Variants in ZNF28 observed in about 807,000 individuals in gnomAD.
The protein encoded by ZNF28 is zinc finger protein 28, also known as zinc finger protein KOX24.
ZNF28 carries 5 observed loss-of-function variants against 7.2 expected under a neutral mutation model. The ratio of observed to expected loss-of-function variants is 0.70; its 90% CI spans 0.36 to 1.46. ZNF28 has a LOEUF of 1.46. Ranked by LOEUF, ZNF28 falls within the 40% of genes most tolerant of loss-of-function variation. ZNF28 has a pLI of 0.03. For synonymous variants in ZNF28, 288 were observed against 292.4 expected, an observed-to-expected ratio of 0.99 and a Z score of 0.15; for missense variants, 879 against 866.6, an observed-to-expected ratio of 1.01 and a Z score of -0.18.
At chr19:52,815,312 T>G (rs1308965099) in intron 2 of ZNF28, among the ~76,000 whole-genome samples, 2 of 142,472 alleles carry the variant, frequency 1.4e-5, no homozygotes, top group African/African-American at 2.8e-5. Flanking sequence ...AGACAGGAGT[T>G]CAACATCAGC....
intron 3 of ZNF28, among the ~76,000 whole-genome samples, chr19:52,802,761 CTTTTT>C (rs11347464): frequency 7.8e-6 from 1 of 127,580 alleles, no homozygotes; most frequent in Admixed American, 7.9e-5. Flanking sequence ...CACGTTGTGA[CTTTTT>C]TTTTTTTTTT....
Position 52,819,567 on chromosome 19 carries a change from C to G in ZNF28, c.-73-1536G>C, listed in dbSNP as rs2063169620. ...GCTTTTCTGGTCTAGCCCCTCATCT[C>G]CAAGTTGCAGGGGAGGCTCACTGGG... On this transcript the variant is annotated intron_variant, in intron 1 of 3. Transcript: ENST00000457749. Among the ~76,000 whole-genome samples, 8 of 64,136 alleles carry G rather than the reference C, an allele frequency of 1.2e-4. 3 individuals are homozygous for G. Among genetic ancestry groups the G allele is most frequent in the South Asian group, 1.0e-3 (3 of 2,894 alleles). 42.1% of individuals were successfully genotyped at this position (64,136 alleles called of 152,430 possible).
chr19:52,811,240 T>C (rs907857880), intron 2 of ZNF28, among the ~76,000 whole-genome samples: 1 of 151,472 alleles, frequency 6.6e-6, no homozygotes. Context: ...CTCGGCTCAC[T>C]ACAACCTCCA....
At chr19:52,811,685 C>T (rs1405832456) in intron 2 of ZNF28, among the ~76,000 whole-genome samples, 4 of 147,618 alleles carry the variant, frequency 2.7e-5, no homozygotes, top group East Asian at 2.1e-4. Context: ...GTGAGGAGCC[C>T]CTCCGTCCGG....
chr19:52,810,714 A>G (rs879215435), intron 2 of ZNF28: 2 of 775,336 alleles, frequency 2.6e-6, no homozygotes, highest in Middle Eastern at 2.3e-4. Flanking sequence ...ACTAAAAAAA[A>G]TGTGTATTAG....
In ZNF28 at chr19:52,800,379, T is replaced by C. The variant is rs535831573; in HGVS notation, c.1466A>G (p.His489Arg). The C allele has an allele frequency of 6.8e-6, 11 of 1,614,160 alleles. No homozygotes were observed. The East Asian group carries it at 2.0e-4, about 29-fold the overall frequency. Residue 489 changes from histidine to arginine, a missense_variant, in exon 4 of 4, where the codon CAT (histidine) becomes CGT (arginine). Around this residue, in one of 2 missense-constraint regions of ZNF28, gnomAD observed 864 missense variants for 830.2 expected, o/e 1.04. Transcript: ENST00000457749. ...ACATTTGTATGGTTTCTCTCCAGTA[T>C]GAATCCTCCTATGTCTTTCAAGGTG... ...KSHLERHRRI[H>R]TGEKPYKCKV...
chr19:52,815,156 C>T (rs11670774), intron 2 of ZNF28, among the ~76,000 whole-genome samples: 91,287 of 142,454 alleles, frequency 0.64, 32,967 homozygotes, highest in Non-Finnish European at 0.72. Flanking sequence ...TTTGTTTAAC[C>T]GAAGAGGAAT....
At chr19:52,818,151 G>C in intron 1 of ZNF28, 120 bp from the exon 2 acceptor site, 1 of 1,080,908 alleles carries the variant, frequency 9.3e-7, no homozygotes, top group East Asian at 2.7e-5. Context: ...GCTGCCTACC[G>C]CACCACGAAC....
At chr19:52,817,481 A>G (rs538109177) in intron 2 of ZNF28, among the ~76,000 whole-genome samples, 2 of 152,318 alleles carry the variant, frequency 1.3e-5, no homozygotes, top group Middle Eastern at 3.4e-3. Flanking sequence ...GAACTCACTC[A>G]ATTACCTAAA....
rs558462115 is a variant in ZNF28, at chr19:52,798,334, A to C, written c.*1354T>G. 6.1e-6 allele frequency: 2 copies of C among 325,548 alleles called. No individual in the cohort carries two copies. The highest frequency in any genetic ancestry group is 1.8e-4 in the East Asian group (2 of 11,048). 20.2% of individuals were successfully genotyped at this position (325,548 alleles called of 1,614,324 possible). A position where few individuals can be genotyped will look rare whatever the true frequency, so the allele number is the denominator to read the frequency against. On this transcript the variant is annotated 3_prime_UTR_variant, in exon 4 of 4. Transcript: ENST00000457749. Reference sequence around the variant, plus strand: ...TAACATAAACAGTTTAATGTCAATTAATGCTTAAACTCAATGTTAAGTCAA... The same window carrying C: ...TAACATAAACAGTTTAATGTCAATTCATGCTTAAACTCAATGTTAAGTCAA...
At chr19:52,802,196 C>T (rs959335109) in intron 3 of ZNF28, among the ~76,000 whole-genome samples, 1 of 152,088 alleles carries the variant, frequency 6.6e-6, no homozygotes, top group African/African-American at 2.4e-5. Context: ...ATAGCACTGA[C>T]AAGATAACAA....
At chr19:52,811,795 C>T (rs1283633873) in intron 2 of ZNF28, among the ~76,000 whole-genome samples, 6 of 143,936 alleles carry the variant, frequency 4.2e-5, no homozygotes, top group East Asian at 4.4e-4. Flanking sequence ...CCAGCCGCCC[C>T]GTCCGGGAGG....
chr19:52,808,148 C>T lies in ZNF28; in HGVS notation c.16-15G>A, dbSNP rs1035808682. On this transcript the variant is annotated splice_polypyrimidine_tract_variant and intron_variant, in intron 2 of 3. Transcript: ENST00000457749. Reference sequence around the variant, plus strand: ...GTCAATAGACCCTGAAATGGAAACACATTTTAACCAAATGGTTATGGTGGA... The same window carrying T: ...GTCAATAGACCCTGAAATGGAAACATATTTTAACCAAATGGTTATGGTGGA... 1 of 1,611,610 alleles carries T rather than the reference C, an allele frequency of 6.2e-7. No homozygotes were observed. The highest frequency in any genetic ancestry group is 8.5e-7 in the Non-Finnish European group (1 of 1,178,634).
At position 52,800,353 on chromosome 19, in the gene ZNF28, T is replaced by C. The variant is rs1819563189; in HGVS notation, c.1492A>G (p.Lys498Glu). Residue 498 changes from lysine to glutamate, a missense_variant, in exon 4 of 4, where the codon AAG becomes GAG. Around this residue, in one of 2 missense-constraint regions of ZNF28, gnomAD observed 864 missense variants for 830.2 expected, o/e 1.04. Coordinates refer to ENST00000457749, the MANE Select transcript of ZNF28 (RefSeq NM_006969.5). ...IHTGEKPYKC[K>E]VCDKAFRSDS... Reference sequence around the variant, plus strand: ...CTCCGGAAAGCCTTGTCACAAACCTTACATTTGTATGGTTTCTCTCCAGTA... The same window carrying C: ...CTCCGGAAAGCCTTGTCACAAACCTCACATTTGTATGGTTTCTCTCCAGTA... The C allele has an allele frequency of 6.2e-7, 1 of 1,614,084 alleles. No individual in the cohort carries two copies. The highest frequency in any genetic ancestry group is 1.3e-5 in the African/African-American group (1 of 75,030).
intron 2 of ZNF28, chr19:52,810,505 A>T (rs1320179250): frequency 6.3e-7 from 1 of 1,586,158 alleles, no homozygotes. Context: ...TATTTAGAGG[A>T]AGGCAAATCA....
chr19:52,818,002 T>G lies in ZNF28; in HGVS notation c.-44A>C, dbSNP rs1208743196. The G allele has an allele frequency of 6.2e-7, 1 of 1,610,038 alleles. No homozygotes were observed. The highest frequency in any genetic ancestry group is 1.3e-5 in the African/African-American group (1 of 74,868). Reference sequence around the variant, plus strand: ...CCTCTTCCTCTTCTGGGTTTCTTCCTCACGTACCAAGATTCTTTAGAAGTC... The same window carrying G: ...CCTCTTCCTCTTCTGGGTTTCTTCCGCACGTACCAAGATTCTTTAGAAGTC... On this transcript the variant is annotated 5_prime_UTR_variant, in exon 2 of 4. Coordinates refer to ENST00000457749, the MANE Select transcript of ZNF28 (RefSeq NM_006969.5).
chr19:52,809,555 C>G (rs113192642), intron 2 of ZNF28, among the ~76,000 whole-genome samples: 2,017 of 152,250 alleles, frequency 0.013, 48 homozygotes, highest in African/African-American at 0.047. Flanking sequence ...CGCCTGTAAT[C>G]CCAGCACTTT....
intron 2 of ZNF28, among the ~76,000 whole-genome samples, chr19:52,817,265 G>C (rs56008301): frequency 0.59 from 88,977 of 151,758 alleles, 27,304 homozygotes; most frequent in Non-Finnish European, 0.69. Flanking sequence ...CCAGCTACTC[G>C]GGAGGCTGAG....
In ZNF28 at chr19:52,798,710, CGAT is replaced by C; in HGVS notation, c.*975_*977del. The C allele has an allele frequency of 4.4e-6, 2 of 458,886 alleles. No homozygotes were observed. Among genetic ancestry groups the C allele is most frequent in the Non-Finnish European group, 8.5e-6 (2 of 233,988 alleles). 28.4% of individuals were successfully genotyped at this position (458,886 alleles called of 1,614,324 possible). ...ATAAGGTTTCTCTCCAGCATGAGTT[CGAT>C]GATGAATAGCAATATATGAACGATA... On this transcript the variant is annotated 3_prime_UTR_variant, in exon 4 of 4. Transcript: ENST00000457749.
Sources: gnomAD v4.1 joint callset for allele counts (sites outside exome capture counted in the v4.1 genomes callset) on GRCh38, gnomAD v4.1.1 for gene constraint, gnomAD v4.1.1 regional missense constraint, MANE v1.5 for transcripts, NCBI Gene and HGNC (gene_info 2026-07-23, HGNC 2026-07-21) for gene names.